The following RASEF variants were observed in gnomAD, a reference collection of about 807,000 sequenced individuals.
RASEF encodes ras and EF-hand domain-containing protein.
Under a neutral mutation model 90.1 loss-of-function variants are expected in RASEF, and 68 were observed. The ratio of observed to expected loss-of-function variants is 0.75; its 90% CI spans 0.62 to 0.92. The LOEUF is 0.92. Ranked by LOEUF, RASEF falls within the 40% of genes least tolerant of loss-of-function variation. The probability of loss-of-function intolerance (pLI) is 0.00; values close to 1 mark genes in which losing one functional copy is unlikely to be tolerated. For missense variants in RASEF, 949 were observed against 937.2 expected, an observed-to-expected ratio of 1.01 and a Z score of -0.16; for synonymous variants, 331 against 345.2, an observed-to-expected ratio of 0.96 and a Z score of 0.46.
chr9:83,120,731 T>C, the RASEF span, among the ~76,000 whole-genome samples: 1 of 152,166 alleles, frequency 6.6e-6, no homozygotes, highest in African/African-American at 2.4e-5. Flanking sequence ...AAAATGTAGA[T>C]TGGTAATCAC....
the RASEF span, among the ~76,000 whole-genome samples, chr9:83,188,160 A>C: frequency 6.6e-6 from 1 of 152,210 alleles, no homozygotes; most frequent in African/African-American, 2.4e-5. Flanking sequence ...ATAAAAGTAC[A>C]TGACAATGAC....
the RASEF span, among the ~76,000 whole-genome samples, chr9:83,074,313 A>G: frequency 6.6e-6 from 1 of 152,236 alleles, no homozygotes; most frequent in East Asian, 1.9e-4. Context: ...AATAACCTTG[A>G]CTATGACTAG....
intron 1 of RASEF, among the ~76,000 whole-genome samples, chr9:83,036,608 G>T (rs2118621114): frequency 6.6e-6 from 1 of 152,236 alleles, no homozygotes; most frequent in East Asian, 1.9e-4. Flanking sequence ...GTAGATAAAT[G>T]CATAACTGCT....
At chr9:83,147,055 T>C in the RASEF span, among the ~76,000 whole-genome samples, 1 of 149,398 alleles carries the variant, frequency 6.7e-6, no homozygotes, top group Admixed American at 6.7e-5. Context: ...TATATATATA[T>C]ATATAAATAT....
At chr9:83,067,299 G>C (rs1204640835), upstream of RASEF, among the ~76,000 whole-genome samples, 4 of 152,134 alleles carry the variant, frequency 2.6e-5, no homozygotes, top group African/African-American at 9.7e-5. Flanking sequence ...CTGAGTCTTA[G>C]TTTTCTCATG....
the RASEF span, among the ~76,000 whole-genome samples, chr9:83,124,257 TG>T: frequency 1.1e-3 from 164 of 152,328 alleles, no homozygotes; most frequent in African/African-American, 3.5e-3. Flanking sequence ...GCTATGAACA[TG>T]GGTGTATGAA....
chr9:82,990,291 G>C (rs1161635232), intron 16 of RASEF, 100 bp downstream of exon 16: 1 of 762,324 alleles, frequency 1.3e-6, no homozygotes, highest in Non-Finnish European at 2.2e-6. Context: ...AGATAAGAGA[G>C]TGTTTTCCCG....
chr9:83,150,224 G>T, the RASEF span, among the ~76,000 whole-genome samples: 2 of 152,268 alleles, frequency 1.3e-5, no homozygotes, highest in South Asian at 4.1e-4. Flanking sequence ...TGCTCTCCAG[G>T]TGCCACCCTC....
At chr9:83,117,427 A>G in the RASEF span, among the ~76,000 whole-genome samples, 1 of 152,314 alleles carries the variant, frequency 6.6e-6, no homozygotes, top group East Asian at 1.9e-4. Flanking sequence ...AAATCTTTCA[A>G]CCTCAGGATC....
At chr9:83,007,128 A>G (rs1829149956) in intron 7 of RASEF, among the ~76,000 whole-genome samples, 1 of 150,892 alleles carries the variant, frequency 6.6e-6, no homozygotes. Context: ...TACAGAACTC[A>G]GAGAAAGCTG....
At chr9:83,081,746 G>A in the RASEF span, among the ~76,000 whole-genome samples, 1 of 152,098 alleles carries the variant, frequency 6.6e-6, no homozygotes, top group Non-Finnish European at 1.5e-5. Flanking sequence ...TGCTCCGAGA[G>A]TTTTAGTAAA....
chr9:83,179,290 A>C, the RASEF span, among the ~76,000 whole-genome samples: 1 of 152,296 alleles, frequency 6.6e-6, no homozygotes, highest in East Asian at 1.9e-4. Flanking sequence ...ACTTGAGAAC[A>C]CACAGGCCCA....
At chr9:83,144,388 AAAGGAAAGAAAGAAAGAAAGAAAG>A in the RASEF span, among the ~76,000 whole-genome samples, 30 of 41,144 alleles carry the variant, frequency 7.3e-4, no homozygotes, top group African/African-American at 2.8e-3. Context: ...AGAAAGAAAG[AAAGGAAAGAAAGAAAGAAAGAAAG>A]AAAGAAAAGA....
At chr9:83,030,900 T>A (rs933713595) in intron 1 of RASEF, among the ~76,000 whole-genome samples, 2 of 152,226 alleles carry the variant, frequency 1.3e-5, no homozygotes, top group African/African-American at 4.8e-5. Context: ...ACCTTCTCCT[T>A]CTTTCTCCCT....
the RASEF span, among the ~76,000 whole-genome samples, chr9:83,089,892 TGATA>T: frequency 0.41 from 59,588 of 144,650 alleles, 12,065 homozygotes; most frequent in South Asian, 0.45. Context: ...TATAGATAGA[TGATA>T]GATAGATAGA....
At chr9:83,188,316 G>C in the RASEF span, among the ~76,000 whole-genome samples, 3 of 152,154 alleles carry the variant, frequency 2.0e-5, no homozygotes, top group Non-Finnish European at 4.4e-5. Flanking sequence ...TTAGACAAAA[G>C]AAAAATTAGA....
At chr9:83,082,361 A>G in the RASEF span, among the ~76,000 whole-genome samples, 5 of 152,352 alleles carry the variant, frequency 3.3e-5, no homozygotes, top group East Asian at 9.6e-4. Context: ...TGATGGTTCT[A>G]GCTGAATAAC....
chr9:83,018,516 A>G (rs1829384782), intron 3 of RASEF, among the ~76,000 whole-genome samples: 1 of 151,960 alleles, frequency 6.6e-6, no homozygotes, highest in Non-Finnish European at 1.5e-5. Flanking sequence ...TGATCTATAG[A>G]CGCAATGAAG....
At chr9:82,996,914 TA>T in intron 14 of RASEF, 97 bp downstream of exon 14, 2 of 716,020 alleles carry the variant, frequency 2.8e-6, no homozygotes, top group Non-Finnish European at 5.0e-6. Flanking sequence ...CAATGGTTCC[TA>T]ATCAAGTTCA....
Sources: allele counts gnomAD v4.1 joint callset (sites outside exome capture counted in the v4.1 genomes callset), GRCh38; gene constraint gnomAD v4.1.1; transcripts MANE v1.5; gene names NCBI Gene and HGNC (gene_info 2026-07-23, HGNC 2026-07-21).